The following KLHL1 variants were observed in gnomAD, a reference collection of about 807,000 sequenced individuals.
KLHL1 encodes the protein kelch like family member 1, also known as kelch-like protein 1.
KLHL1 carries 47 observed loss-of-function variants against 77.7 expected under a neutral mutation model. The ratio of observed to expected loss-of-function variants is 0.60; its 90% CI spans 0.48 to 0.77. The LOEUF (loss-of-function observed/expected upper bound fraction) is 0.77. Among genes scored for constraint, KLHL1 ranks in the 30% least tolerant of loss-of-function variants. KLHL1 has a pLI of 0.00. For synonymous variants in KLHL1, 360 were observed against 325.2 expected (o/e 1.11, Z -1.15); for missense variants, 925 against 910.8 (o/e 1.02, Z -0.20).
At chr13:69,780,697 T>TACATATATATATAC (rs1262158805) in intron 7 of KLHL1, among the ~76,000 whole-genome samples, 3 of 16,512 alleles carry the variant, frequency 1.8e-4, no homozygotes, top group African/African-American at 1.3e-3. Flanking sequence ...TATATATATA[T>TACATATATATATAC]ATATGTATAT....
intron 5 of KLHL1, among the ~76,000 whole-genome samples, chr13:69,856,096 G>A (rs975798872): frequency 6.6e-6 from 1 of 151,162 alleles, no homozygotes; most frequent in Admixed American, 6.6e-5. Context: ...ATTTCTTCTG[G>A]ACTATCTTTT....
At chr13:69,806,246 C>G (rs1386349281) in intron 6 of KLHL1, among the ~76,000 whole-genome samples, 2 of 152,174 alleles carry the variant, frequency 1.3e-5, no homozygotes, top group Non-Finnish European at 2.9e-5. Flanking sequence ...AAGCACAGTT[C>G]ACATGGCCAC....
In KLHL1 at chr13:69,701,668, C is replaced by A. The variant is rs1456197255; in HGVS notation, c.*34G>T. On this transcript the variant is annotated 3_prime_UTR_variant, in exon 11 of 11. Coordinates refer to ENST00000377844, the MANE Select transcript of KLHL1 (RefSeq NM_020866.3). The stretch of plus-strand genomic sequence containing the variant: ...TTCAATATAAAAATAACCACTCCAG[C>A]AAGTAAAATCTTTCCAAGTAAAATA... The A allele has an allele frequency of 1.3e-6, 2 of 1,496,652 alleles. No individual in the cohort carries two copies. Among genetic ancestry groups the A allele is most frequent in the Non-Finnish European group, 1.9e-6 (2 of 1,079,792 alleles). 92.7% of individuals were successfully genotyped at this position (1,496,652 alleles called of 1,614,324 possible). A position where few individuals can be genotyped will look rare whatever the true frequency, so the allele number is the denominator to read the frequency against.
chr13:70,031,837 G>T (rs1174498310), intron 1 of KLHL1, among the ~76,000 whole-genome samples: 1 of 152,148 alleles, frequency 6.6e-6, no homozygotes, highest in Non-Finnish European at 1.5e-5. Context: ...TAATATGGTT[G>T]TTCTGACTCC....
In KLHL1 at chr13:69,740,182, T is replaced by C. The variant is rs1873926616; in HGVS notation, c.1802+212A>G. On this transcript the variant is annotated intron_variant, in intron 8 of 10. Transcript: ENST00000377844. Reference sequence around the variant, plus strand: ...TATAAATATTCCCATGAAATGTATTTGATACTTCTTTAATCATCAATTAAT... The same window carrying C: ...TATAAATATTCCCATGAAATGTATTCGATACTTCTTTAATCATCAATTAAT... 2.6e-5 allele frequency among the ~76,000 whole-genome samples: 4 copies of C among 152,350 alleles called. No individual in the cohort carries two copies. In the South Asian group the frequency reaches 8.3e-4, roughly 32 times the overall value.
At chr13:69,742,556 C>T (rs73522070) in intron 7 of KLHL1, among the ~76,000 whole-genome samples, 5,428 of 152,236 alleles carry the variant, frequency 0.036, 296 homozygotes, top group African/African-American at 0.12. Flanking sequence ...TAGGCAAAGT[C>T]TCTGCCCACA....
chr13:69,707,879 G>T, intron 9 of KLHL1, 83 bp from the exon 10 acceptor site: 1 of 1,204,988 alleles, frequency 8.3e-7, no homozygotes, highest in Non-Finnish European at 1.1e-6. Flanking sequence ...TACAAAGCCT[G>T]TCATGAAAAA....
intron 1 of KLHL1, among the ~76,000 whole-genome samples, chr13:70,066,032 G>T (rs1424685465): frequency 2.0e-5 from 3 of 152,136 alleles, no homozygotes; most frequent in African/African-American, 4.8e-5. Context: ...CTATCAATTT[G>T]CTCAGACAAA....
At chr13:70,073,656 G>C (rs1887190382) in intron 1 of KLHL1, among the ~76,000 whole-genome samples, 1 of 151,970 alleles carries the variant, frequency 6.6e-6, no homozygotes, top group African/African-American at 2.4e-5. Context: ...GTGCACCTGT[G>C]TTCTTAGCTG....
intron 7 of KLHL1, among the ~76,000 whole-genome samples, chr13:69,762,944 A>G (rs900731619): frequency 6.6e-6 from 1 of 152,062 alleles, no homozygotes; most frequent in Non-Finnish European, 1.5e-5. Flanking sequence ...TTCTTGCTCC[A>G]TAATCAGTCA....
At chr13:70,099,401 T>C (rs192296519) in intron 1 of KLHL1, among the ~76,000 whole-genome samples, 1 of 152,052 alleles carries the variant, frequency 6.6e-6, no homozygotes, top group Admixed American at 6.6e-5. Context: ...TGAAGCCTTC[T>C]GTGCAGAGAT....
chr13:69,829,226 T>G (rs12877491), intron 6 of KLHL1, among the ~76,000 whole-genome samples: 27,719 of 149,518 alleles, frequency 0.19, 4,676 homozygotes, highest in African/African-American at 0.36. Context: ...ACCTCCGCTG[T>G]TGTGTATGGC....
At chr13:70,031,272 A>C (rs1337352557) in intron 1 of KLHL1, among the ~76,000 whole-genome samples, 1 of 152,180 alleles carries the variant, frequency 6.6e-6, no homozygotes, top group South Asian at 2.1e-4. Flanking sequence ...CCTTGCAAAC[A>C]TCACATCTCA....
At chr13:69,750,508 GTGTGTATATATATGCA>G (rs1251038471) in intron 7 of KLHL1, among the ~76,000 whole-genome samples, 2 of 151,698 alleles carry the variant, frequency 1.3e-5, no homozygotes, top group East Asian at 1.9e-4. Context: ...ATACATGTAT[GTGTGTATATATATGCA>G]TGTGTATATA....
intron 4 of KLHL1, among the ~76,000 whole-genome samples, chr13:69,917,879 TTTGTC>T (rs142481988): frequency 0.037 from 5,597 of 152,212 alleles, 136 homozygotes; most frequent in Non-Finnish European, 0.057. Flanking sequence ...TGCTGATAGC[TTTGTC>T]TTTTCAGTTT....
chr13:69,782,661 G>A (rs920183113), intron 7 of KLHL1, among the ~76,000 whole-genome samples: 1 of 152,214 alleles, frequency 6.6e-6, no homozygotes, highest in Non-Finnish European at 1.5e-5. Flanking sequence ...AAAGCAGCCA[G>A]GAAGCTCAAA....
chr13:69,758,337 C>G (rs1453956243), intron 7 of KLHL1, among the ~76,000 whole-genome samples: 1 of 152,088 alleles, frequency 6.6e-6, no homozygotes, highest in Non-Finnish European at 1.5e-5. Flanking sequence ...TTTGACCACA[C>G]AAGATAAGAT....
chr13:70,064,925 A>G (rs547674999), intron 1 of KLHL1, among the ~76,000 whole-genome samples: 32 of 152,264 alleles, frequency 2.1e-4, no homozygotes, highest in African/African-American at 7.7e-4. Context: ...TCTATCATCT[A>G]TGAAAGTTTC....
At chr13:69,740,229 T>C (rs1339674622) in intron 8 of KLHL1, among the ~76,000 whole-genome samples, 165 bp downstream of exon 8, 1 of 152,198 alleles carries the variant, frequency 6.6e-6, no homozygotes, top group East Asian at 1.9e-4. Flanking sequence ...TTGGGTTCCG[T>C]TGTCTATAGA....
Sources: allele counts gnomAD v4.1 joint callset (sites outside exome capture counted in the v4.1 genomes callset), GRCh38; gene constraint gnomAD v4.1.1; transcripts MANE v1.5; gene names NCBI Gene and HGNC (gene_info 2026-07-23, HGNC 2026-07-21).